Variants in BRWD3 observed in about 807,000 individuals in gnomAD.
The protein encoded by BRWD3 is bromodomain and WD repeat domain containing 3.
In BRWD3, 10 loss-of-function variants were observed where a neutral mutation model predicts 149.7. The observed-to-expected ratio is 0.07, with a 90% confidence interval of 0.04 to 0.11. The LOEUF is 0.11. BRWD3 is among the 10% of genes least tolerant of loss of function. The pLI is 1.00. For synonymous variants in BRWD3, 504 were observed against 456.7 expected (o/e 1.10, Z -1.32); for missense variants, 940 against 1,373.2 (o/e 0.68, Z 4.99).
chrX:80,724,362 T>TA (rs2073190236), intron 15 of BRWD3, among the ~76,000 whole-genome samples: 1 of 111,469 alleles, frequency 9.0e-6, no homozygotes, highest in Non-Finnish European at 1.9e-5. Context: ...TTAGAAACGT[T>TA]TAATGAGAAT....
Position 80,672,892 on chromosome X carries a change from A to G in BRWD3, c.*3717T>C, listed in dbSNP as rs756983142. The G allele has an allele frequency of 3.6e-5, 4 of 112,287 alleles. No homozygotes were observed. Among genetic ancestry groups the G allele is most frequent in the Admixed American group, 9.5e-5 (1 of 10,567 alleles). The allele number at this position is 112,287 out of a possible 1,213,427, so 9.3% of individuals were successfully genotyped here. A position where few individuals can be genotyped will look rare whatever the true frequency, so the allele number is the denominator to read the frequency against. On this transcript the variant is annotated 3_prime_UTR_variant, in exon 41 of 41. Transcript: ENST00000373275. ...TGGATGTGAAAATTCCAACTTGAAG[A>G]TAAGTACCAGTTGGTAAATGTACAT...
chrX:80,791,718 GC>G, intron 6 of BRWD3, 135 bp downstream of exon 6: 1 of 467,030 alleles, frequency 2.1e-6, no homozygotes, highest in Non-Finnish European at 3.8e-6. Flanking sequence ...ATCTGGACTA[GC>G]CATGAAACTC....
In BRWD3 at chrX:80,793,124, T is replaced by C. The variant is rs199874346; in HGVS notation, c.331+498A>G. On this transcript the variant is annotated intron_variant, in intron 5 of 40. Transcript: ENST00000373275. ...TTGTGGTGAGCCGAGATCGCGCCAC[T>C]GCACTCCAGCCTGGTGACAGAGCAA... Among the ~76,000 whole-genome samples the C allele has an allele frequency of 5.9e-4, 47 of 80,328 alleles. No individual in the cohort carries two copies. The East Asian group carries it at 0.018, about 31-fold the overall frequency. The allele number at this position is 80,328 out of a possible 115,157, so 69.8% of individuals were successfully genotyped here.
intron 6 of BRWD3, among the ~76,000 whole-genome samples, chrX:80,781,163 C>CT (rs200214471): frequency 5.4e-4 from 59 of 110,137 alleles, no homozygotes; most frequent in African/African-American, 1.8e-3. Flanking sequence ...AAACAAAATT[C>CT]TTTTTTTTTG....
At chrX:80,762,947 C>T (rs765364376) in intron 6 of BRWD3, among the ~76,000 whole-genome samples, 2 of 109,984 alleles carry the variant, frequency 1.8e-5, no homozygotes, top group African/African-American at 3.3e-5. Flanking sequence ...GAATACCACG[C>T]AAAAGTTTGG....
intron 20 of BRWD3, among the ~76,000 whole-genome samples, chrX:80,712,866 C>T (rs1484927215): frequency 2.8e-5 from 3 of 105,617 alleles, no homozygotes; most frequent in African/African-American, 6.9e-5. Context: ...GGAGACCCTC[C>T]GCCTGGCAAC....
intron 6 of BRWD3, among the ~76,000 whole-genome samples, chrX:80,781,385 A>T (rs3123258): frequency 2.6e-4 from 28 of 109,293 alleles, no homozygotes; most frequent in Non-Finnish European, 5.1e-4. Flanking sequence ...CTGATTGGTC[A>T]CGTGTGAGCT....
chrX:80,802,459 A>AT (rs1328746530), intron 4 of BRWD3, among the ~76,000 whole-genome samples: 1 of 105,921 alleles, frequency 9.4e-6, no homozygotes, highest in Non-Finnish European at 1.9e-5. Context: ...AAAAAAAAAA[A>AT]AAAAAAAAAT....
Position 80,676,473 on chromosome X carries a change from A to G in BRWD3, c.*136T>C, listed in dbSNP as rs1395640789. The stretch of plus-strand genomic sequence containing the variant: ...AGATCAAAAGTCTTGAAACAAATGT[A>G]TACTGGCATAAATGGAAAAGCACCA... On this transcript the variant is annotated 3_prime_UTR_variant, in exon 41 of 41. Coordinates refer to ENST00000373275, the MANE Select transcript of BRWD3 (RefSeq NM_153252.5). The G allele has an allele frequency of 1.3e-6, 1 of 785,324 alleles. No homozygotes were observed. The highest frequency in any genetic ancestry group is 2.1e-5 in the African/African-American group (1 of 47,351). The allele number at this position is 785,324 out of a possible 1,213,427, so 64.7% of individuals were successfully genotyped here.
chrX:80,706,511 T>G (rs940628116), intron 22 of BRWD3, among the ~76,000 whole-genome samples: 2 of 111,986 alleles, frequency 1.8e-5, no homozygotes, highest in East Asian at 5.5e-4. Context: ...ACACAAACAT[T>G]AGCCTAAGCC....
At chrX:80,798,573 C>T (rs1407167498) in intron 4 of BRWD3, among the ~76,000 whole-genome samples, 1 of 109,429 alleles carries the variant, frequency 9.1e-6, no homozygotes, top group Non-Finnish European at 1.9e-5. Context: ...TGCTCTGAGG[C>T]CTGCAGAAGA....
chrX:80,681,836 C>T (rs934702263), intron 39 of BRWD3, among the ~76,000 whole-genome samples, 161 bp downstream of exon 39: 1 of 111,739 alleles, frequency 8.9e-6, no homozygotes, highest in African/African-American at 3.2e-5. Context: ...TAATGTCATA[C>T]TCAGGGACAC....
At chrX:80,785,380 T>C (rs2074097766) in intron 6 of BRWD3, among the ~76,000 whole-genome samples, 1 of 112,132 alleles carries the variant, frequency 8.9e-6, no homozygotes, top group Admixed American at 9.5e-5. Context: ...ATAAGAAATC[T>C]AGAAATTCAC....
At position 80,762,797 on chromosome X, in the gene BRWD3, CCTAT is replaced by C. The variant is rs1024938424; in HGVS notation, c.431-17072_431-17069del. Among the ~76,000 whole-genome samples the C allele has an allele frequency of 8.1e-5, 9 of 111,323 alleles. No homozygotes were observed. The South Asian group carries it at 3.4e-3, about 43-fold the overall frequency. ...AAAATCTACAAAACAGGTTATATTC[CCTAT>C]CTAAGAATTAAATGAGGTGAATTTT... is the stretch of plus-strand genomic sequence containing the variant. On this transcript the variant is annotated intron_variant, in intron 6 of 40. Transcript: ENST00000373275.
chrX:80,738,966 C>T (rs3106407), intron 8 of BRWD3, among the ~76,000 whole-genome samples: 40,681 of 110,537 alleles, frequency 0.37, 6,363 homozygotes, highest in South Asian at 0.63. Context: ...TTGGAAGCTA[C>T]TGATGGTCCT....
intron 6 of BRWD3, among the ~76,000 whole-genome samples, chrX:80,777,744 T>A (rs1031413952): frequency 9.0e-6 from 1 of 111,522 alleles, no homozygotes; most frequent in Admixed American, 9.6e-5. Context: ...TGGGCAATTT[T>A]ATCTGTTACC....
At chrX:80,758,059 C>T (rs779856353) in intron 6 of BRWD3, among the ~76,000 whole-genome samples, 7 of 111,202 alleles carry the variant, frequency 6.3e-5, no homozygotes, top group African/African-American at 2.0e-4. Flanking sequence ...GTTAGCCAGG[C>T]GTGATGGCGC....
At position 80,691,099 on chromosome X, in the gene BRWD3, T is replaced by G; in HGVS notation, c.3556A>C (p.Thr1186Pro). 1 of 1,209,441 alleles carries G rather than the reference T, an allele frequency of 8.3e-7. No individual in the cohort carries two copies. Among genetic ancestry groups the G allele is most frequent in the Non-Finnish European group, 1.1e-6 (1 of 894,013 alleles). ...PLYCTVVAYP[T>P]DLNTIRRRLE... The stretch of plus-strand genomic sequence containing the variant: ...CTCCGCCTGATGGTATTGAGGTCAG[T>G]TGGATAAGCAACTACAGTACAATAC... The change falls in exon 31 of 41, where the codon ACT becomes CCT. Residue 1186 changes from threonine to proline, a missense_variant. By Grantham distance (38) the Thr-to-Pro change is conservative. Transcript: ENST00000373275.
intron 6 of BRWD3, among the ~76,000 whole-genome samples, chrX:80,789,410 C>G (rs932434849): frequency 9.0e-6 from 1 of 111,508 alleles, no homozygotes; most frequent in Non-Finnish European, 1.9e-5. Flanking sequence ...GAGTCTCGCT[C>G]TGTCGCCCAG....
Sources: allele counts gnomAD v4.1 joint callset (sites outside exome capture counted in the v4.1 genomes callset), GRCh38; gene constraint gnomAD v4.1.1; transcripts MANE v1.5; gene names NCBI Gene and HGNC (gene_info 2026-07-23, HGNC 2026-07-21).